CYP19A1: variants seen among roughly 807,000 people sequenced by gnomAD.
CYP19A1 encodes the protein cytochrome P450 family 19 subfamily A member 1.
Under a neutral mutation model 44.4 loss-of-function variants are expected in CYP19A1, and 32 were observed. The observed-to-expected ratio is 0.72, with a 90% CI of 0.54 to 0.97. CYP19A1 has a LOEUF of 0.97. Among genes scored for constraint, CYP19A1 ranks in the 50% least tolerant of loss-of-function variants. The pLI is 0.00. For synonymous variants in CYP19A1, 212 were observed against 215.6 expected, an observed-to-expected ratio of 0.98 and a Z score of 0.14; for missense variants, 598 against 637.8, an observed-to-expected ratio of 0.94 and a Z score of 0.67.
At chr15:51,258,534 G>A (rs2034597056) in intron 1 of CYP19A1, among the ~76,000 whole-genome samples, 1 of 152,182 alleles carries the variant, frequency 6.6e-6, no homozygotes, top group African/African-American at 2.4e-5. Flanking sequence ...ACTCCTACTA[G>A]CCAATGCTGC....
At chr15:51,317,231 A>T (rs2036443059) in intron 1 of CYP19A1, among the ~76,000 whole-genome samples, 1 of 151,792 alleles carries the variant, frequency 6.6e-6, no homozygotes, top group South Asian at 2.1e-4. Context: ...CCTCCCGAGT[A>T]GCTGGGACTA....
chr15:51,252,533 G>A (rs769695653), intron 1 of CYP19A1, among the ~76,000 whole-genome samples: 1 of 151,940 alleles, frequency 6.6e-6, no homozygotes, highest in Non-Finnish European at 1.5e-5. Flanking sequence ...TACATTTTTC[G>A]GTCCACAGAA....
Position 51,222,426 on chromosome 15 carries a change from T to C in CYP19A1, c.551A>G (p.Tyr184Cys). 4.3e-6 allele frequency: 7 copies of C among 1,614,174 alleles called. No individual in the cohort carries two copies. The highest frequency in any genetic ancestry group is 5.9e-6 in the Non-Finnish European group (7 of 1,180,016). The change falls in exon 5 of 10, where the codon TAT becomes TGT. Residue 184 changes from tyrosine (Y) to cysteine (C), a missense_variant. By Grantham distance (194) the Tyr-to-Cys change is radical (BLOSUM62 -2). Transcript: ENST00000396402. Reference protein sequence around the residue: ...RLEEVTNESGYVDVLTLLRRV... With the variant: ...RLEEVTNESGCVDVLTLLRRV... ...ACGCAGAAGGGTCAACACGTCCACA[T>C]AGCCCGATTCATTGGTCACCTCCTC... is the stretch of plus-strand genomic sequence containing the variant.
chr15:51,263,502 T>C (rs1184194426), intron 1 of CYP19A1, among the ~76,000 whole-genome samples: 1 of 152,228 alleles, frequency 6.6e-6, no homozygotes, highest in African/African-American at 2.4e-5. Flanking sequence ...AGTTTTCACT[T>C]GCTTGGCTTT....
At chr15:51,323,785 T>C (rs2036565687) in intron 1 of CYP19A1, 2 of 152,182 alleles carry the variant, frequency 1.3e-5, no homozygotes, top group Admixed American at 6.5e-5. Context: ...AGCCTTCCCA[T>C]ACTGCATCCC....
At position 51,274,893 on chromosome 15, in the gene CYP19A1, C is replaced by T. The variant is rs556166754; in HGVS notation, c.-38-31943G>A. On this transcript the variant is annotated intron_variant, in intron 1 of 9. Coordinates refer to ENST00000396402, the MANE Select transcript of CYP19A1 (RefSeq NM_000103.4). ...CCATAAGCCAGAGGGGACAGCATAC[C>T]GAAATCCTGCAACGCTGGGGAGAAA... Among the ~76,000 whole-genome samples the T allele has an allele frequency of 6.6e-5, 10 of 152,076 alleles. No individual in the cohort carries two copies. The East Asian group carries it at 7.7e-4, about 12-fold the overall frequency.
At chr15:51,285,172 T>C (rs1038459456) in intron 1 of CYP19A1, among the ~76,000 whole-genome samples, 2 of 152,208 alleles carry the variant, frequency 1.3e-5, no homozygotes, top group Non-Finnish European at 2.9e-5. Context: ...CTCTCTACCC[T>C]GAATACAAGA....
chr15:51,304,162 C>A (rs1484443035), intron 1 of CYP19A1, among the ~76,000 whole-genome samples: 1 of 152,150 alleles, frequency 6.6e-6, no homozygotes, highest in Non-Finnish European at 1.5e-5. Flanking sequence ...CTAGTGATTT[C>A]AAAAATTAAC....
chr15:51,228,921 G>A (rs2032805343), intron 3 of CYP19A1, among the ~76,000 whole-genome samples: 1 of 152,152 alleles, frequency 6.6e-6, no homozygotes, highest in Non-Finnish European at 1.5e-5. Flanking sequence ...GATTGCAAGT[G>A]GTTACTATAA....
At chr15:51,253,972 T>C (rs1402430109) in intron 1 of CYP19A1, among the ~76,000 whole-genome samples, 1 of 151,868 alleles carries the variant, frequency 6.6e-6, no homozygotes, top group Admixed American at 6.6e-5. Context: ...CATAAAGCAG[T>C]TGGGGGATAA....
At chr15:51,314,084 G>T (rs1260865238) in intron 1 of CYP19A1, 1 of 151,836 alleles carries the variant, frequency 6.6e-6, no homozygotes, top group African/African-American at 2.4e-5. Context: ...TTTTGAGAGG[G>T]TGAGTAATTA....
chr15:51,258,673 A>G (rs569164161), intron 1 of CYP19A1, among the ~76,000 whole-genome samples: 1 of 152,126 alleles, frequency 6.6e-6, no homozygotes, highest in Non-Finnish European at 1.5e-5. Flanking sequence ...ATTCCCTCCC[A>G]TCTCCAACCC....
At chr15:51,247,995 T>C (rs2034141676) in intron 1 of CYP19A1, among the ~76,000 whole-genome samples, 1 of 152,184 alleles carries the variant, frequency 6.6e-6, no homozygotes, top group African/African-American at 2.4e-5. Flanking sequence ...CATATCTCAG[T>C]GGTCAGTTGA....
intron 3 of CYP19A1, among the ~76,000 whole-genome samples, chr15:51,234,795 C>A (rs925541139): frequency 1.3e-5 from 2 of 152,164 alleles, no homozygotes; most frequent in Non-Finnish European, 2.9e-5. Flanking sequence ...GTCCTACCCC[C>A]AGAGGTTCTG....
intron 2 of CYP19A1, among the ~76,000 whole-genome samples, chr15:51,240,192 G>T (rs1279741444): frequency 6.6e-6 from 1 of 151,932 alleles, no homozygotes; most frequent in Non-Finnish European, 1.5e-5. Context: ...ATCCCCTCGG[G>T]GCAGAAACCA....
rs59359360 is a variant in CYP19A1 at position 51,215,128 on chromosome 15, G to C, written c.963C>G (p.Leu321=). 429 of 1,614,086 alleles carry C rather than the reference G, an allele frequency of 2.7e-4. No homozygotes were observed. In the African/African-American group the frequency reaches 4.8e-3, roughly 18 times the overall value. The change falls in exon 8 of 10, where the codon CTC becomes CTG. Residue 321 remains leucine, a synonymous_variant. Transcript: ENST00000396402. ...CTTCAACATTAGGGTGCTTTGCAAT[G>C]AGAAATAGCATGAAGAACAAAGAGA... ...MSVSLFFMLF[L]IAKHPNVEEA... is the part of the protein sequence containing the mutation.
At chr15:51,229,344 C>G (rs2032842905) in intron 3 of CYP19A1, among the ~76,000 whole-genome samples, 1 of 145,060 alleles carries the variant, frequency 6.9e-6, no homozygotes, top group Non-Finnish European at 1.5e-5. Context: ...GAGCCATGAT[C>G]AAGCCATTGC....
intron 1 of CYP19A1, among the ~76,000 whole-genome samples, chr15:51,302,581 T>C (rs1171327274): frequency 2.0e-5 from 3 of 152,180 alleles, no homozygotes; most frequent in Admixed American, 1.3e-4. Context: ...GGCCAGGGTT[T>C]CCTCAGCCTT....
chr15:51,330,543 T>C (rs113975226), intron 1 of CYP19A1, among the ~76,000 whole-genome samples: 1,851 of 152,240 alleles, frequency 0.012, 37 homozygotes, highest in African/African-American at 0.043. Context: ...GCCCTTTGAG[T>C]CTAGAGCTCC....
Sources: allele counts gnomAD v4.1 joint callset (sites outside exome capture counted in the v4.1 genomes callset), GRCh38; gene constraint gnomAD v4.1.1; transcripts MANE v1.5; gene names NCBI Gene and HGNC (gene_info 2026-07-23, HGNC 2026-07-21).